The following RABGAP1 variants were observed in gnomAD, a reference collection of about 807,000 sequenced individuals.
RABGAP1 encodes the protein RAB GTPase activating protein 1, also known as rab GTPase-activating protein 1.
RABGAP1 carries 23 observed loss-of-function variants against 137.6 expected under a neutral mutation model. That is an observed-to-expected ratio of 0.17 (90% confidence interval 0.12 to 0.24). The LOEUF (loss-of-function observed/expected upper bound fraction) is 0.24. Among genes scored for constraint, RABGAP1 ranks in the 10% least tolerant of loss-of-function variants. The probability of loss-of-function intolerance (pLI) is 1.00; values close to 1 mark genes in which losing one functional copy is unlikely to be tolerated. For synonymous variants in RABGAP1, 451 were observed against 450.7 expected (o/e 1.00, Z -0.01); for missense variants, 906 against 1,275.8 (o/e 0.71, Z 4.42).
intron 2 of RABGAP1, among the ~76,000 whole-genome samples, chr9:122,965,850 C>T (rs752815910): frequency 4.6e-5 from 7 of 152,030 alleles, no homozygotes; most frequent in African/African-American, 1.2e-4. Flanking sequence ...GGACAATTAG[C>T]GGGAAAGGGG....
At chr9:122,960,394 C>G (rs1834788351) in intron 2 of RABGAP1, among the ~76,000 whole-genome samples, 2 of 152,176 alleles carry the variant, frequency 1.3e-5, no homozygotes, top group African/African-American at 4.8e-5. Context: ...AGAGCCCTGC[C>G]CAAACCACTC....
chr9:123,052,682 C>T (rs2033535881), intron 13 of RABGAP1, among the ~76,000 whole-genome samples: 1 of 152,224 alleles, frequency 6.6e-6, no homozygotes, highest in Admixed American at 6.5e-5. Flanking sequence ...GTAATCCCAG[C>T]ACTTTGGGAG....
chr9:123,091,274 G>T (rs151037283), intron 21 of RABGAP1, among the ~76,000 whole-genome samples: 3 of 152,122 alleles, frequency 2.0e-5, no homozygotes, highest in Non-Finnish European at 2.9e-5. Flanking sequence ...GGATTTTTAC[G>T]GGGGTCTTAC....
chr9:122,994,655 T>A (rs941979887), intron 6 of RABGAP1, among the ~76,000 whole-genome samples: 1 of 152,198 alleles, frequency 6.6e-6, no homozygotes, highest in African/African-American at 2.4e-5. Flanking sequence ...ATCTAGCCAT[T>A]TACGGTAGCT....
chr9:123,100,445 CAG>C (rs1166055020), intron 24 of RABGAP1, among the ~76,000 whole-genome samples: 1 of 142,064 alleles, frequency 7.0e-6, no homozygotes, highest in East Asian at 2.2e-4. Context: ...GTGTTTGAGA[CAG>C]AGTCTTGCTC....
At chr9:123,000,506 A>G (rs1177749035) in intron 10 of RABGAP1, among the ~76,000 whole-genome samples, 1 of 151,428 alleles carries the variant, frequency 6.6e-6, no homozygotes, top group Non-Finnish European at 1.5e-5. Flanking sequence ...TTAGATGATT[A>G]CTTTCTTTTC....
At chr9:123,091,914 C>T (rs1030995004) in intron 21 of RABGAP1, among the ~76,000 whole-genome samples, 1 of 152,024 alleles carries the variant, frequency 6.6e-6, no homozygotes. Context: ...TCTCCCTGTT[C>T]GGGTATTTCT....
the RABGAP1 span, among the ~76,000 whole-genome samples, chr9:122,935,190 T>A: frequency 6.6e-6 from 1 of 152,200 alleles, no homozygotes; most frequent in Non-Finnish European, 1.5e-5. Flanking sequence ...CCATAGGTAT[T>A]ACACTCAACA....
intron 2 of RABGAP1, among the ~76,000 whole-genome samples, chr9:122,958,095 T>G (rs575255029): frequency 9.9e-5 from 15 of 152,284 alleles, no homozygotes; most frequent in African/African-American, 3.6e-4. Context: ...GAATCAGTGC[T>G]TCCCCCCACC....
At chr9:123,055,939 C>T (rs776206424) in intron 13 of RABGAP1, among the ~76,000 whole-genome samples, 1 of 152,196 alleles carries the variant, frequency 6.6e-6, no homozygotes. Flanking sequence ...TTGGCTCCCA[C>T]GTCCCTTTGG....
chr9:122,963,135 G>A (rs561435889), intron 2 of RABGAP1, among the ~76,000 whole-genome samples: 5 of 152,294 alleles, frequency 3.3e-5, no homozygotes, highest in East Asian at 3.9e-4. Flanking sequence ...TTAGCCGGGC[G>A]TGGTGGCTGA....
intron 1 of RABGAP1, among the ~76,000 whole-genome samples, chr9:122,954,073 G>A (rs995163084): frequency 6.6e-6 from 1 of 152,186 alleles, no homozygotes; most frequent in Non-Finnish European, 1.5e-5. Context: ...TTGTCAATGG[G>A]AATTAGAATT....
At chr9:123,004,785 G>A (rs925910945) in intron 10 of RABGAP1, among the ~76,000 whole-genome samples, 1 of 151,932 alleles carries the variant, frequency 6.6e-6, no homozygotes, top group African/African-American at 2.4e-5. Flanking sequence ...AGCCAGGCAC[G>A]GTGGCTTATG....
intron 14 of RABGAP1, among the ~76,000 whole-genome samples, chr9:123,068,714 A>G (rs904001064): frequency 5.3e-5 from 8 of 152,140 alleles, no homozygotes; most frequent in Non-Finnish European, 1.0e-4. Context: ...TGGGTGTGGT[A>G]TAATAAGATT....
intron 12 of RABGAP1, among the ~76,000 whole-genome samples, chr9:123,019,745 C>G (rs141881920): frequency 6.6e-6 from 1 of 151,968 alleles, no homozygotes; most frequent in Non-Finnish European, 1.5e-5. Context: ...GGCTGGAGTG[C>G]GGTGGTGCAA....
intron 13 of RABGAP1, among the ~76,000 whole-genome samples, chr9:123,028,741 G>C (rs886797835): frequency 1.3e-5 from 2 of 152,184 alleles, no homozygotes; most frequent in African/African-American, 4.8e-5. Flanking sequence ...TTATAAGGCA[G>C]TATGCAAAGT....
At chr9:122,947,643 T>G (rs949231227) in intron 1 of RABGAP1, among the ~76,000 whole-genome samples, 49 of 152,356 alleles carry the variant, frequency 3.2e-4, no homozygotes, top group African/African-American at 1.2e-3. Context: ...AAGTAAATTG[T>G]CACAGTTACG....
chr9:123,015,352 T>C lies in RABGAP1; in HGVS notation c.1550-191T>C, dbSNP rs183411335. 3.4e-5 allele frequency among the ~76,000 whole-genome samples: 5 copies of C among 145,136 alleles called. No individual in the cohort carries two copies. In the East Asian group the frequency reaches 1.0e-3, roughly 29 times the overall value. ...GACCTATGTGGAAAACAAAAGAGAA[T>C]TAAAGAGGTTACAGCATTTTACCTA... On this transcript the variant is annotated intron_variant, in intron 11 of 25. Transcript: ENST00000373647.
intron 2 of RABGAP1, among the ~76,000 whole-genome samples, chr9:122,984,238 G>T (rs542667999): frequency 6.6e-6 from 1 of 152,044 alleles, no homozygotes; most frequent in African/African-American, 2.4e-5. Context: ...GCAGGCTATC[G>T]CATATATTTC....
Sources: allele counts gnomAD v4.1 joint callset (sites outside exome capture counted in the v4.1 genomes callset), GRCh38; gene constraint gnomAD v4.1.1; transcripts MANE v1.5; gene names NCBI Gene and HGNC (gene_info 2026-07-23, HGNC 2026-07-21).